PSD3: variants seen among roughly 807,000 people sequenced by gnomAD.
The protein encoded by PSD3 is pleckstrin and Sec7 domain containing 3.
PSD3 carries 49 observed loss-of-function variants against 105.5 expected under a neutral mutation model. That is an observed-to-expected ratio of 0.46 (90% CI 0.37 to 0.59). The LOEUF is 0.59. Ranked by LOEUF, PSD3 falls within the 20% of genes least tolerant of loss-of-function variation. PSD3 has a pLI of 0.00. For missense variants in PSD3, 1,561 were observed against 1,263.8 expected (o/e 1.24, Z -3.57); for synonymous variants, 557 against 457.8 (o/e 1.22, Z -2.77).
chr8:18,542,786 A>T (rs1416188365), intron 15 of PSD3, among the ~76,000 whole-genome samples: 1 of 152,172 alleles, frequency 6.6e-6, no homozygotes, highest in Non-Finnish European at 1.5e-5. Flanking sequence ...TAGCCCTTTC[A>T]GGTATGTGTC....
At chr8:18,890,506 C>T (rs1028990401) in intron 2 of PSD3, among the ~76,000 whole-genome samples, 1 of 152,118 alleles carries the variant, frequency 6.6e-6, no homozygotes, top group African/African-American at 2.4e-5. Context: ...CACGCCAGAG[C>T]TCTGTACTCT....
chr8:19,082,774 T>C (rs1458821606), intron 1 of PSD3, among the ~76,000 whole-genome samples: 1 of 152,198 alleles, frequency 6.6e-6, no homozygotes, highest in Non-Finnish European at 1.5e-5. Flanking sequence ...TGACCCCACA[T>C]ACAGAGATGG....
chr8:19,082,072 T>TC (rs1829662330), intron 1 of PSD3, among the ~76,000 whole-genome samples: 1 of 152,198 alleles, frequency 6.6e-6, no homozygotes, highest in African/African-American at 2.4e-5. Flanking sequence ...CATGAAAGGA[T>TC]TGAGTAATTC....
chr8:18,973,823 A>G (rs2129472203), intron 1 of PSD3, among the ~76,000 whole-genome samples: 1 of 152,348 alleles, frequency 6.6e-6, no homozygotes. Flanking sequence ...AAACTATAGA[A>G]TATGAGTTAC....
intron 4 of PSD3, among the ~76,000 whole-genome samples, chr8:18,827,389 A>T (rs76193933): frequency 1.4e-3 from 212 of 152,288 alleles, no homozygotes; most frequent in African/African-American, 4.8e-3. Flanking sequence ...AAAGCAGTGC[A>T]AGAGCCAATG....
At chr8:18,843,913 CTA>C (rs1175096659) in intron 4 of PSD3, among the ~76,000 whole-genome samples, 2 of 121,768 alleles carry the variant, frequency 1.6e-5, no homozygotes, top group Non-Finnish European at 3.5e-5. Context: ...ATAAGATAGA[CTA>C]TTTTTTTTTT....
intron 2 of PSD3, among the ~76,000 whole-genome samples, chr8:18,882,073 T>C (rs1443786432): frequency 6.6e-6 from 1 of 151,886 alleles, no homozygotes; most frequent in Non-Finnish European, 1.5e-5. Flanking sequence ...CCAGGTGTGG[T>C]GGTGTGTGCC....
chr8:18,549,727 C>T (rs1405257472), intron 15 of PSD3, among the ~76,000 whole-genome samples: 1 of 152,176 alleles, frequency 6.6e-6, no homozygotes, highest in Non-Finnish European at 1.5e-5. Context: ...AAATTCACAC[C>T]TAGGTGGTTT....
intron 10 of PSD3, among the ~76,000 whole-genome samples, chr8:18,643,931 A>G (rs185029640): frequency 4.8e-4 from 73 of 152,364 alleles, no homozygotes; most frequent in African/African-American, 1.7e-3. Flanking sequence ...GCTAAGCTGT[A>G]GCTAGGCCGG....
intron 9 of PSD3, among the ~76,000 whole-genome samples, chr8:18,760,609 A>G (rs1010926455): frequency 2.6e-5 from 4 of 152,250 alleles, no homozygotes; most frequent in Non-Finnish European, 5.9e-5. Flanking sequence ...CACTGTGCAT[A>G]TCTACCACAT....
At chr8:18,887,539 T>C (rs897727333) in intron 2 of PSD3, among the ~76,000 whole-genome samples, 11 of 152,204 alleles carry the variant, frequency 7.2e-5, no homozygotes, top group Admixed American at 7.2e-4. Context: ...AATAGGTTTA[T>C]ACATGAGAAA....
intron 10 of PSD3, among the ~76,000 whole-genome samples, chr8:18,648,040 A>C (rs764770039): frequency 1.3e-5 from 2 of 152,224 alleles, no homozygotes; most frequent in Non-Finnish European, 2.9e-5. Flanking sequence ...ACTTCTTTTT[A>C]TATAAATTAC....
At chr8:18,898,464 A>G (rs1044090405) in intron 2 of PSD3, among the ~76,000 whole-genome samples, 1 of 152,102 alleles carries the variant, frequency 6.6e-6, no homozygotes, top group Non-Finnish European at 1.5e-5. Flanking sequence ...GTCTTTTTCC[A>G]TACTTTCACA....
chr8:18,802,429 T>A (rs1586052933), intron 6 of PSD3: 2 of 322,544 alleles, frequency 6.2e-6, no homozygotes, highest in Non-Finnish European at 1.3e-5. Context: ...AAACATACCA[T>A]GAGCCTCATT....
intron 12 of PSD3, among the ~76,000 whole-genome samples, chr8:18,594,787 A>C (rs1803966917): frequency 1.3e-5 from 2 of 152,052 alleles, no homozygotes; most frequent in Non-Finnish European, 2.9e-5. Flanking sequence ...TAGATTACTC[A>C]TGATACCTAA....
At chr8:19,047,063 C>CCGGGGCT (rs1828345183) in intron 1 of PSD3, among the ~76,000 whole-genome samples, 1 of 150,642 alleles carries the variant, frequency 6.6e-6, no homozygotes, top group African/African-American at 2.5e-5. Context: ...CACTCCCTCT[C>CCGGGGCT]CGGGGCTCGT....
chr8:18,625,185 A>AATAC (rs1481140599), intron 11 of PSD3, among the ~76,000 whole-genome samples: 3 of 91,588 alleles, frequency 3.3e-5, no homozygotes, highest in Admixed American at 3.2e-4. Context: ...TGAGGTGGGG[A>AATAC]ATACACACAC....
At chr8:18,719,463 T>C (rs1802811091) in intron 9 of PSD3, among the ~76,000 whole-genome samples, 1 of 152,216 alleles carries the variant, frequency 6.6e-6, no homozygotes, top group Non-Finnish European at 1.5e-5. Context: ...TTATCTTTAT[T>C]ATGTGCTACT....
chr8:18,734,955 G>T (rs1037853135), intron 9 of PSD3, among the ~76,000 whole-genome samples: 2 of 152,160 alleles, frequency 1.3e-5, no homozygotes, highest in Non-Finnish European at 2.9e-5. Context: ...TACTGTTAAA[G>T]GGAAAATCAA....
Sources: allele counts gnomAD v4.1 joint callset (sites outside exome capture counted in the v4.1 genomes callset), GRCh38; gene constraint gnomAD v4.1.1; transcripts MANE v1.5; gene names NCBI Gene and HGNC (gene_info 2026-07-23, HGNC 2026-07-21).